Variants in TMEM108 observed in about 807,000 individuals in gnomAD.
TMEM108 encodes the protein transmembrane protein 108, also known as cancer/testis antigen 124.
TMEM108 carries 12 observed loss-of-function variants against 35.1 expected under a neutral mutation model. The observed-to-expected ratio is 0.34, with a 90% CI of 0.22 to 0.55. TMEM108 has a LOEUF of 0.55. TMEM108 is among the 20% of genes least tolerant of loss of function. The pLI is 0.89. For missense variants in TMEM108, 680 were observed against 753.3 expected (o/e 0.90, Z 1.14); for synonymous variants, 287 against 308.6 (o/e 0.93, Z 0.73).
chr3:133,376,743 C>CAGGGAAA (rs2072853099), intron 3 of TMEM108, among the ~76,000 whole-genome samples: 1 of 152,284 alleles, frequency 6.6e-6, no homozygotes, highest in African/African-American at 2.4e-5. Flanking sequence ...TTCCCTGTTT[C>CAGGGAAA]ACTAATCTCA....
intron 3 of TMEM108, among the ~76,000 whole-genome samples, chr3:133,301,586 G>T (rs1392397651): frequency 1.3e-5 from 2 of 152,154 alleles, no homozygotes; most frequent in Non-Finnish European, 2.9e-5. Context: ...TAGCTCACTT[G>T]TTAATAATTA....
chr3:133,192,031 T>C lies in TMEM108; in HGVS notation c.-46-37235T>C, dbSNP rs149655287. Among the ~76,000 whole-genome samples, 299 of 152,270 alleles carry C rather than the reference T, an allele frequency of 2.0e-3. 3 individuals are homozygous for C. Among genetic ancestry groups the C allele is most frequent in the African/African-American group, 6.8e-3 (283 of 41,564 alleles). On this transcript the variant is annotated intron_variant, in intron 2 of 5. Transcript: ENST00000321871. ...TCCCAGCTCTGCCCCTATCCCACTC[T>C]GTCCCAAAATAGCTCCAGCTGGCTA...
intron 3 of TMEM108, among the ~76,000 whole-genome samples, chr3:133,354,383 C>G (rs1181384019): frequency 2.6e-5 from 4 of 152,164 alleles, no homozygotes; most frequent in Non-Finnish European, 4.4e-5. Context: ...ATCTGAGACT[C>G]TAGCCACATT....
chr3:133,292,651 G>A (rs1553757399), intron 3 of TMEM108, among the ~76,000 whole-genome samples: 1 of 152,188 alleles, frequency 6.6e-6, no homozygotes, highest in Non-Finnish European at 1.5e-5. Flanking sequence ...GGGGACCCTG[G>A]AGACAGTTTT....
intron 3 of TMEM108, chr3:133,378,406 C>T: frequency 2.0e-6 from 2 of 985,486 alleles, no homozygotes; most frequent in Non-Finnish European, 2.4e-6. Context: ...GCCGTTTGTC[C>T]TGCTGGAATC....
intron 2 of TMEM108, among the ~76,000 whole-genome samples, chr3:133,186,231 G>T (rs190970990): frequency 1.4e-4 from 21 of 152,262 alleles, no homozygotes; most frequent in Non-Finnish European, 3.1e-4. Context: ...ACCGTTAAAG[G>T]TGGCTTCACA....
chr3:133,122,730 G>T (rs917551810), intron 2 of TMEM108, among the ~76,000 whole-genome samples: 2 of 151,982 alleles, frequency 1.3e-5, no homozygotes, highest in East Asian at 3.9e-4. Flanking sequence ...CGGTGTGGTT[G>T]CAGGTGCCTG....
chr3:133,344,851 A>C (rs2071769226), intron 3 of TMEM108, among the ~76,000 whole-genome samples: 1 of 151,360 alleles, frequency 6.6e-6, no homozygotes, highest in African/African-American at 2.4e-5. Context: ...CAAAATTCAA[A>C]ATCTCCTAGG....
At chr3:133,235,544 CTTAA>C (rs1341557077) in intron 3 of TMEM108, among the ~76,000 whole-genome samples, 2 of 152,146 alleles carry the variant, frequency 1.3e-5, no homozygotes. Context: ...AGGTAAGTTA[CTTAA>C]GCCTCTGTGA....
chr3:133,070,745 A>ATG (rs10530634), intron 2 of TMEM108, among the ~76,000 whole-genome samples: 8,094 of 148,370 alleles, frequency 0.055, 381 homozygotes, highest in African/African-American at 0.13. Flanking sequence ...TCTCTGATGT[A>ATG]TGTGTGTGTG....
At chr3:133,111,643 C>T (rs1282684775) in intron 2 of TMEM108, among the ~76,000 whole-genome samples, 1 of 152,034 alleles carries the variant, frequency 6.6e-6, no homozygotes, top group Non-Finnish European at 1.5e-5. Context: ...ATATAATATG[C>T]ATCTTTGTAA....
chr3:133,371,613 CAAAAAAAAAAAAA>C (rs3054624), intron 3 of TMEM108, among the ~76,000 whole-genome samples: 17 of 78,100 alleles, frequency 2.2e-4, no homozygotes, highest in Admixed American at 1.4e-3. Context: ...CACAAACCCA[CAAAAAAAAAAAAA>C]AAAAAAAAAA....
intron 3 of TMEM108, among the ~76,000 whole-genome samples, chr3:133,300,851 C>T (rs991468888): frequency 2.6e-5 from 4 of 151,768 alleles, no homozygotes; most frequent in African/African-American, 9.7e-5. Flanking sequence ...TGCTTGCAGA[C>T]AAGTTTACTA....
At chr3:133,046,808 A>T (rs1179916959) in intron 2 of TMEM108, among the ~76,000 whole-genome samples, 1 of 151,756 alleles carries the variant, frequency 6.6e-6, no homozygotes, top group African/African-American at 2.4e-5. Flanking sequence ...TATGATTCAT[A>T]TAAATATAAG....
intron 3 of TMEM108, among the ~76,000 whole-genome samples, chr3:133,236,040 G>A (rs1205314974): frequency 2.0e-5 from 3 of 151,922 alleles, no homozygotes; most frequent in Non-Finnish European, 4.4e-5. Context: ...AGAAGACTAA[G>A]GCAATTATTA....
intron 2 of TMEM108, among the ~76,000 whole-genome samples, chr3:133,083,752 A>G (rs1943845022): frequency 6.6e-6 from 1 of 152,100 alleles, no homozygotes; most frequent in South Asian, 2.1e-4. Flanking sequence ...TTAAAAGCAC[A>G]TTTTGCTAAG....
chr3:133,316,161 A>G (rs1183246251), intron 3 of TMEM108, among the ~76,000 whole-genome samples: 1 of 152,212 alleles, frequency 6.6e-6, no homozygotes, highest in Admixed American at 6.5e-5. Context: ...AAACACACAT[A>G]TGGGGAAGAG....
chr3:133,150,384 T>C (rs1944782868), intron 2 of TMEM108, among the ~76,000 whole-genome samples: 2 of 150,910 alleles, frequency 1.3e-5, no homozygotes, highest in African/African-American at 2.4e-5. Context: ...GAATTTCTTA[T>C]ATATTTCGGA....
Position 133,131,884 on chromosome 3 carries a change from T to C in TMEM108, c.-47+85864T>C, listed in dbSNP as rs187682342. On this transcript the variant is annotated intron_variant, in intron 2 of 5. Transcript: ENST00000321871. ...AGGGAGAAAGTTTTAGTGATTCAGA[T>C]ATATATAGAGAGAGTGAGAATATAT... 1.9e-3 allele frequency among the ~76,000 whole-genome samples: 290 copies of C among 152,244 alleles called. 2 individuals are homozygous for C. The highest frequency in any genetic ancestry group is 1.7e-3 in the South Asian group (8 of 4,816).
Sources: gnomAD v4.1 joint callset for allele counts (sites outside exome capture counted in the v4.1 genomes callset) on GRCh38, gnomAD v4.1.1 for gene constraint, MANE v1.5 for transcripts, NCBI Gene and HGNC (gene_info 2026-07-23, HGNC 2026-07-21) for gene names.